FGF14: variants seen among roughly 807,000 people sequenced by gnomAD.
FGF14 encodes the protein fibroblast growth factor homologous factor 4.
FGF14 carries 5 observed loss-of-function variants against 25.5 expected under a neutral mutation model. That is an observed-to-expected ratio of 0.20 (90% CI 0.10 to 0.41). FGF14 has a LOEUF of 0.41. Among genes scored for constraint, FGF14 ranks in the 10% least tolerant of loss-of-function variants. The pLI, the probability that FGF14 is intolerant of heterozygous loss-of-function variation, is 1.00. For synonymous variants in FGF14, 138 were observed against 118.3 expected (o/e 1.17, Z -1.08); for missense variants, 222 against 320.1 (o/e 0.69, Z 2.34).
At chr13:102,244,269 C>G (rs543358027) in intron 1 of FGF14, among the ~76,000 whole-genome samples, 51 of 151,766 alleles carry the variant, frequency 3.4e-4, no homozygotes, top group African/African-American at 1.1e-3. Context: ...GTCTTGAGTT[C>G]TTTTGTTGAA....
chr13:102,275,234 T>TTCTCTCCC (rs2053456365), intron 1 of FGF14, among the ~76,000 whole-genome samples: 4 of 67,448 alleles, frequency 5.9e-5, no homozygotes, highest in African/African-American at 6.4e-5. Flanking sequence ...TTAGGCAGAT[T>TTCTCTCCC]TCTCTCTCTC....
chr13:101,889,208 C>A (rs2046143363), intron 1 of FGF14, among the ~76,000 whole-genome samples: 1 of 151,918 alleles, frequency 6.6e-6, no homozygotes, highest in Non-Finnish European at 1.5e-5. Flanking sequence ...TAAGGTAGCC[C>A]CAGCAGACTA....
At chr13:102,130,559 T>C (rs2046152147) in intron 1 of FGF14, among the ~76,000 whole-genome samples, 1 of 152,128 alleles carries the variant, frequency 6.6e-6, no homozygotes, top group South Asian at 2.1e-4. Context: ...ATATGCAAAT[T>C]AATACCCCCT....
At chr13:101,973,535 G>C (rs989566811) in intron 1 of FGF14, among the ~76,000 whole-genome samples, 1 of 152,164 alleles carries the variant, frequency 6.6e-6, no homozygotes, top group Non-Finnish European at 1.5e-5. Context: ...TCCCACAATA[G>C]GCTGACTGCA....
At chr13:102,203,398 G>A (rs1344110583) in intron 1 of FGF14, among the ~76,000 whole-genome samples, 2 of 152,134 alleles carry the variant, frequency 1.3e-5, no homozygotes, top group Non-Finnish European at 1.5e-5. Context: ...AAAGATATTA[G>A]CGCAACTATA....
chr13:102,026,619 T>C (rs1472717358), intron 1 of FGF14, among the ~76,000 whole-genome samples: 1 of 152,030 alleles, frequency 6.6e-6, no homozygotes, highest in Non-Finnish European at 1.5e-5. Flanking sequence ...ATTCTGTACA[T>C]AAGTTTTATA....
intron 1 of FGF14, among the ~76,000 whole-genome samples, chr13:101,983,116 T>G (rs1289220577): frequency 1.4e-5 from 2 of 145,710 alleles, no homozygotes; most frequent in East Asian, 3.9e-4. Flanking sequence ...ATAAATGAAC[T>G]GGTAAAGAGG....
intron 1 of FGF14, among the ~76,000 whole-genome samples, chr13:101,970,251 T>C (rs922543090): frequency 1.4e-5 from 2 of 144,930 alleles, no homozygotes; most frequent in African/African-American, 5.0e-5. Flanking sequence ...TTATCTTCAG[T>C]ACAACAGGAA....
At chr13:102,374,868 C>T (rs2058001084) in intron 1 of FGF14, among the ~76,000 whole-genome samples, 1 of 151,256 alleles carries the variant, frequency 6.6e-6, no homozygotes, top group Non-Finnish European at 1.5e-5. Flanking sequence ...AACTAAATTT[C>T]CAGTAACCTG....
intron 3 of FGF14, among the ~76,000 whole-genome samples, chr13:101,770,117 TG>T (rs1335079994): frequency 7.9e-6 from 1 of 127,180 alleles, no homozygotes; most frequent in African/African-American, 2.6e-5. Context: ...CTAAGAGTGC[TG>T]TAAAAACATA....
intron 1 of FGF14, among the ~76,000 whole-genome samples, chr13:102,268,625 C>G (rs1469219393): frequency 6.6e-6 from 1 of 151,692 alleles, no homozygotes; most frequent in East Asian, 1.9e-4. Flanking sequence ...TCATTTCTGA[C>G]CTGTTATATT....
At chr13:101,870,222 G>C (rs1213040852) in intron 2 of FGF14, among the ~76,000 whole-genome samples, 1 of 151,496 alleles carries the variant, frequency 6.6e-6, no homozygotes, top group Non-Finnish European at 1.5e-5. Context: ...GTTGAGTACA[G>C]CTACCTGTGC....
At chr13:102,298,123 A>G (rs2054825810) in intron 1 of FGF14, among the ~76,000 whole-genome samples, 2 of 151,512 alleles carry the variant, frequency 1.3e-5, no homozygotes, top group African/African-American at 2.4e-5. Flanking sequence ...AATGTCTAAG[A>G]GTATTTATTT....
chr13:102,386,782 G>GTGTA (rs1436214294), intron 1 of FGF14, among the ~76,000 whole-genome samples: 1 of 152,198 alleles, frequency 6.6e-6, no homozygotes, highest in Non-Finnish European at 1.5e-5. Flanking sequence ...CATGGAAAGG[G>GTGTA]TGTACATTTT....
intron 3 of FGF14, among the ~76,000 whole-genome samples, chr13:101,820,795 CACACACACACA>C (rs976199198): frequency 1.7e-4 from 12 of 69,012 alleles, no homozygotes; most frequent in East Asian, 4.8e-4. Context: ...CACACACACA[CACACACACACA>C]ACACACACAC....
intron 1 of FGF14, among the ~76,000 whole-genome samples, chr13:102,166,182 A>T (rs1376344972): frequency 2.1e-5 from 3 of 143,672 alleles, no homozygotes; most frequent in Non-Finnish European, 4.6e-5. Flanking sequence ...TACAACATTT[A>T]AAAAAAAAAA....
intron 1 of FGF14, among the ~76,000 whole-genome samples, chr13:102,378,123 T>C (rs1476553699): frequency 2.0e-5 from 3 of 152,198 alleles, no homozygotes; most frequent in African/African-American, 4.8e-5. Flanking sequence ...GATACTATAA[T>C]GGTGAATACA....
chr13:101,726,693 T>C lies in FGF14; in HGVS notation c.526A>G (p.Asn176Asp). Residue 176 changes from asparagine to aspartate, a missense_variant, in exon 4 of 5, where the codon AAT becomes GAT. By Grantham distance (23) the Asn-to-Asp change is conservative. This residue lies in a region of FGF14 where 66 missense variants were observed against 90.3 expected (regional missense o/e 0.73). Transcript: ENST00000376143. ...ESGRAWFLGL[N>D]KEGQAMKGNR... ...CCTTTCATAGCTTGCCCTTCCTTAT[T>C]TAATCCCAAAAACCAGGCTCTACCA... 1 of 1,613,594 alleles carries C rather than the reference T, an allele frequency of 6.2e-7. No individual in the cohort carries two copies. Among genetic ancestry groups the C allele is most frequent in the Non-Finnish European group, 8.5e-7 (1 of 1,179,690 alleles).
intron 1 of FGF14, among the ~76,000 whole-genome samples, chr13:101,999,892 G>T (rs1320812480): frequency 6.6e-6 from 1 of 151,978 alleles, no homozygotes; most frequent in African/African-American, 2.4e-5. Flanking sequence ...ACTCAAAGGG[G>T]GTTTCTCCAT....
Sources: allele counts gnomAD v4.1 joint callset (sites outside exome capture counted in the v4.1 genomes callset), GRCh38; gene constraint gnomAD v4.1.1; regional missense constraint gnomAD v4.1.1; transcripts MANE v1.5; gene names NCBI Gene and HGNC (gene_info 2026-07-23, HGNC 2026-07-21).